Variants in GALNT17 observed in about 807,000 individuals in gnomAD.
The protein encoded by GALNT17 is polypeptide N-acetylgalactosaminyltransferase 17.
In GALNT17, 29 loss-of-function variants were observed where a neutral mutation model predicts 63.7. The ratio of observed to expected loss-of-function variants is 0.46; its 90% CI spans 0.34 to 0.62. The LOEUF is 0.62. GALNT17 is among the 20% of genes least tolerant of loss of function. The pLI is 0.01. For missense variants in GALNT17, 603 were observed against 799.6 expected (o/e 0.75, Z 2.97); for synonymous variants, 305 against 318.3 (o/e 0.96, Z 0.45).
intron 1 of GALNT17, among the ~76,000 whole-genome samples, chr7:71,228,896 G>A (rs983609678): frequency 9.9e-5 from 15 of 152,034 alleles, no homozygotes; most frequent in South Asian, 4.2e-4. Flanking sequence ...GGTGGCAGTC[G>A]TTAGCCCTTT....
At chr7:71,433,168 C>T (rs1786899615) in intron 5 of GALNT17, among the ~76,000 whole-genome samples, 1 of 152,182 alleles carries the variant, frequency 6.6e-6, no homozygotes, top group South Asian at 2.1e-4. Flanking sequence ...ATCCGGTCTT[C>T]ATCTGGAAGT....
chr7:71,245,460 CTTGGGATGT>C (rs999148020), intron 1 of GALNT17, among the ~76,000 whole-genome samples: 15 of 152,088 alleles, frequency 9.9e-5, no homozygotes, highest in African/African-American at 3.6e-4. Flanking sequence ...ATTTGTTGTC[CTTGGGATGT>C]TTGGAAAAGG....
intron 1 of GALNT17, among the ~76,000 whole-genome samples, chr7:71,156,164 C>A (rs1282786509): frequency 6.6e-6 from 1 of 151,334 alleles, no homozygotes; most frequent in Non-Finnish European, 1.5e-5. Context: ...CCATTGCACT[C>A]CAGCCTGGGC....
chr7:71,406,375 T>C (rs1174203088), intron 3 of GALNT17, among the ~76,000 whole-genome samples: 1 of 152,112 alleles, frequency 6.6e-6, no homozygotes, highest in African/African-American at 2.4e-5. Context: ...CCCCTTGTTG[T>C]GTGTTTACAT....
chr7:71,561,140 G>A (rs1789249587), intron 5 of GALNT17, among the ~76,000 whole-genome samples: 1 of 152,142 alleles, frequency 6.6e-6, no homozygotes, highest in East Asian at 1.9e-4. Context: ...AGCCTCCCGA[G>A]TAGCTGGGAC....
chr7:71,408,388 G>C (rs2116410066), intron 3 of GALNT17, among the ~76,000 whole-genome samples: 1 of 152,332 alleles, frequency 6.6e-6, no homozygotes, highest in Middle Eastern at 3.4e-3. Flanking sequence ...TTGGTGATAA[G>C]CGTGGCAGTG....
At chr7:71,276,104 CATT>C (rs1291929676) in intron 1 of GALNT17, among the ~76,000 whole-genome samples, 2 of 152,188 alleles carry the variant, frequency 1.3e-5, no homozygotes, top group Non-Finnish European at 2.9e-5. Flanking sequence ...AAGGCAGAGA[CATT>C]ATCTGTTTTG....
chr7:71,584,342 G>T (rs1789683488), intron 6 of GALNT17, among the ~76,000 whole-genome samples: 1 of 152,022 alleles, frequency 6.6e-6, no homozygotes, highest in Non-Finnish European at 1.5e-5. Flanking sequence ...CAACATTTTT[G>T]ATGGAAAACT....
chr7:71,634,479 C>T (rs560063274), intron 6 of GALNT17, among the ~76,000 whole-genome samples: 5 of 152,268 alleles, frequency 3.3e-5, no homozygotes, highest in Non-Finnish European at 7.4e-5. Context: ...ATAAGCCAGG[C>T]ACGGTGGCTC....
At chr7:71,491,190 G>A (rs1443074833) in intron 5 of GALNT17, among the ~76,000 whole-genome samples, 3 of 152,016 alleles carry the variant, frequency 2.0e-5, no homozygotes, top group Non-Finnish European at 2.9e-5. Flanking sequence ...GCGAAAATCC[G>A]TCTCAGAAAA....
At chr7:71,286,191 G>C (rs914383092) in intron 1 of GALNT17, among the ~76,000 whole-genome samples, 1 of 152,276 alleles carries the variant, frequency 6.6e-6, no homozygotes, top group Non-Finnish European at 1.5e-5. Context: ...GCCTTAGAAG[G>C]GGCCCATGTA....
intron 5 of GALNT17, among the ~76,000 whole-genome samples, chr7:71,555,831 A>AGCC (rs1789155133): frequency 6.6e-6 from 1 of 152,224 alleles, no homozygotes; most frequent in Non-Finnish European, 1.5e-5. Flanking sequence ...CTTAATATCT[A>AGCC]AAGGGAGGCT....
chr7:71,430,780 T>C (rs1786847377), intron 5 of GALNT17, among the ~76,000 whole-genome samples: 1 of 152,284 alleles, frequency 6.6e-6, no homozygotes, highest in African/African-American at 2.4e-5. Flanking sequence ...GAGAAGGTTA[T>C]TTTTTCCTCC....
intron 1 of GALNT17, among the ~76,000 whole-genome samples, chr7:71,211,194 G>T (rs6978528): frequency 0.49 from 74,064 of 152,038 alleles, 18,369 homozygotes; most frequent in South Asian, 0.67. Flanking sequence ...ATTTCCACGT[G>T]TTGTGGGAGG....
chr7:71,248,300 G>A (rs1790136686), intron 1 of GALNT17, among the ~76,000 whole-genome samples: 1 of 152,124 alleles, frequency 6.6e-6, no homozygotes, highest in Non-Finnish European at 1.5e-5. Flanking sequence ...CTTTCCACTA[G>A]GTCCCCCCCT....
intron 1 of GALNT17, among the ~76,000 whole-genome samples, chr7:71,189,964 C>T (rs1309679301): frequency 6.6e-6 from 1 of 152,012 alleles, no homozygotes; most frequent in Non-Finnish European, 1.5e-5. Context: ...GTGCCTGCCA[C>T]CACGCCTGGC....
chr7:71,478,129 G>A (rs938157626), intron 5 of GALNT17, among the ~76,000 whole-genome samples: 19 of 152,132 alleles, frequency 1.2e-4, no homozygotes, highest in African/African-American at 4.3e-4. Flanking sequence ...TTATGTTTAC[G>A]TCTCTTCTAA....
intron 6 of GALNT17, among the ~76,000 whole-genome samples, chr7:71,606,336 G>A (rs1475626487): frequency 1.3e-5 from 2 of 152,154 alleles, no homozygotes; most frequent in African/African-American, 2.4e-5. Flanking sequence ...ACCCCATTCC[G>A]AATCTGTCAC....
Position 71,420,889 on chromosome 7 carries a change from C to T in GALNT17, c.765-19C>T. The T allele has an allele frequency of 6.4e-7, 1 of 1,559,766 alleles. No homozygotes were observed. The highest frequency in any genetic ancestry group is 8.7e-7 in the Non-Finnish European group (1 of 1,147,192). On this transcript the variant is annotated intron_variant, in intron 4 of 10. Transcript: ENST00000333538. Reference sequence around the variant, plus strand: ...ACGGGAGAGAAGAGAGGTTTCATGTCTATTTCTCTATGTTTCAGGGCTGAG... The same window carrying T: ...ACGGGAGAGAAGAGAGGTTTCATGTTTATTTCTCTATGTTTCAGGGCTGAG...
Sources: allele counts gnomAD v4.1 joint callset (sites outside exome capture counted in the v4.1 genomes callset), GRCh38; gene constraint gnomAD v4.1.1; transcripts MANE v1.5; gene names NCBI Gene and HGNC (gene_info 2026-07-23, HGNC 2026-07-21).